The following MYO1E variants were observed in gnomAD, a reference collection of about 807,000 sequenced individuals.
The protein encoded by MYO1E is unconventional myosin-Ie.
MYO1E carries 68 observed loss-of-function variants against 151.1 expected under a neutral mutation model. The observed-to-expected ratio is 0.45, with a 90% CI of 0.37 to 0.55. MYO1E has a LOEUF of 0.55. Among genes scored for constraint, MYO1E ranks in the 20% least tolerant of loss-of-function variants. The pLI is 0.00. For missense variants in MYO1E, 1,363 were observed against 1,389.3 expected, an observed-to-expected ratio of 0.98 and a Z score of 0.30; for synonymous variants, 601 against 501.7, an observed-to-expected ratio of 1.20 and a Z score of -2.64.
chr15:59,236,294 G>T (rs1229880785), intron 5 of MYO1E, among the ~76,000 whole-genome samples: 1 of 149,954 alleles, frequency 6.7e-6, no homozygotes, highest in East Asian at 2.0e-4. Context: ...GGTGAGCCGA[G>T]ATCGCGCCAC....
At chr15:59,248,712 C>T (rs151324337) in intron 4 of MYO1E, among the ~76,000 whole-genome samples, 94 of 152,152 alleles carry the variant, frequency 6.2e-4, no homozygotes, top group Non-Finnish European at 1.0e-3. Flanking sequence ...AAGTAAACAG[C>T]AGAGATGGGG....
rs566270197 is a variant in MYO1E at position 59,339,518 on chromosome 15, G to A, written c.3+32980C>T. ...GCCTCCTATTGACTGCCTTCATCCA[G>A]AACACAGCCCCTCCCAAGAGACACA... On this transcript the variant is annotated intron_variant, in intron 1 of 27. Coordinates refer to ENST00000288235, the MANE Select transcript of MYO1E (RefSeq NM_004998.4). Among the ~76,000 whole-genome samples, 12 of 152,240 alleles carry A rather than the reference G, an allele frequency of 7.9e-5. No homozygotes were observed. The South Asian group carries it at 1.7e-3, about 21-fold the overall frequency.
In MYO1E at chr15:59,224,714, T is replaced by C. The variant is rs1373231373; in HGVS notation, c.752A>G (p.Asp251Gly). The change falls in exon 8 of 28, where the codon GAC (aspartate) becomes GGC (glycine). Residue 251 changes from aspartate to glycine, a missense_variant. Transcript: ENST00000288235. ...CAGAGTTTCCTGAAACTCCCGCCTG[T>C]CGTCAATGTCATCAACCTTGTATGA... ...SGSYKVDDID[D>G]RREFQETLHA... 3 of 1,614,238 alleles carry C rather than the reference T, an allele frequency of 1.9e-6. No homozygotes were observed. Among genetic ancestry groups the C allele is most frequent in the Admixed American group, 3.3e-5 (2 of 60,030 alleles).
At position 59,136,613 on chromosome 15, in the gene MYO1E, A is replaced by G. The variant is rs926607940; in HGVS notation, c.*767T>C. The stretch of plus-strand genomic sequence containing the variant: ...GTTTCTACCATCTCAAGATTTTTAT[A>G]TATACAGTATATGATCTGTTTTTAT... On this transcript the variant is annotated 3_prime_UTR_variant, in exon 28 of 28. Transcript: ENST00000288235. 35 of 431,786 alleles carry G rather than the reference A, an allele frequency of 8.1e-5. No homozygotes were observed. Among genetic ancestry groups the G allele is most frequent in the African/African-American group, 6.9e-4 (34 of 49,116 alleles). 26.7% of individuals were successfully genotyped at this position (431,786 alleles called of 1,614,324 possible).
chr15:59,223,183 C>G lies in MYO1E; in HGVS notation c.786G>C (p.Met262Ile). Reference sequence around the variant, plus strand: ...CTTCTGCAAAGATCCCAATCACATTCATGGCGTGCTGGAAGAGAAAAGAGA... The same window carrying G: ...CTTCTGCAAAGATCCCAATCACATTGATGGCGTGCTGGAAGAGAAAAGAGA... Reference protein sequence around the residue: ...RREFQETLHAMNVIGIFAEEQ... With the variant: ...RREFQETLHAINVIGIFAEEQ... The change falls in exon 9 of 28, where the codon ATG becomes ATC. Residue 262 changes from methionine (M) to isoleucine (I), a missense_variant. Coordinates refer to ENST00000288235, the MANE Select transcript of MYO1E (RefSeq NM_004998.4). The G allele has an allele frequency of 6.2e-7, 1 of 1,614,186 alleles. No individual in the cohort carries two copies. The highest frequency in any genetic ancestry group is 1.3e-5 in the African/African-American group (1 of 75,026).
At position 59,205,949 on chromosome 15, in the gene MYO1E, G is replaced by A. The variant is rs908529893; in HGVS notation, c.1531-464C>T. Reference sequence around the variant, plus strand: ...AGGCTTTGCAGTTTCTCCCAGAAGTGGTATCAAAGTTGCACCAATCTGGCC... The same window carrying A: ...AGGCTTTGCAGTTTCTCCCAGAAGTAGTATCAAAGTTGCACCAATCTGGCC... On this transcript the variant is annotated intron_variant, in intron 14 of 27. Coordinates refer to ENST00000288235, the MANE Select transcript of MYO1E (RefSeq NM_004998.4). Among the ~76,000 whole-genome samples the A allele has an allele frequency of 2.6e-5, 4 of 152,106 alleles. No homozygotes were observed. In the East Asian group the frequency reaches 7.7e-4, roughly 29 times the overall value.
chr15:59,178,334 G>C (rs1294677666), intron 19 of MYO1E, 59 bp downstream of exon 19: 2 of 1,599,196 alleles, frequency 1.3e-6, no homozygotes, highest in Non-Finnish European at 1.7e-6. Flanking sequence ...GAGGGGTGGA[G>C]CAGGGCTGGC....
At chr15:59,258,767 G>A (rs1295481797) in intron 3 of MYO1E, among the ~76,000 whole-genome samples, 1 of 152,030 alleles carries the variant, frequency 6.6e-6, no homozygotes. Context: ...TGCGGTCGGG[G>A]GATCGCTTGA....
In MYO1E at chr15:59,350,917, G is replaced by A. The variant is rs2080819685; in HGVS notation, c.3+21581C>T. On this transcript the variant is annotated intron_variant, in intron 1 of 27. Coordinates refer to ENST00000288235, the MANE Select transcript of MYO1E (RefSeq NM_004998.4). The surrounding 1 kb of genome is among the most constrained non-coding windows in gnomAD (Gnocchi z 5.0). ...GTTTTTTGTTTTTTGTCTTTTTTGAGACGGAGTCTCGCTCTGTCACCCAGG... is the reference window on the plus strand; with the variant it reads ...GTTTTTTGTTTTTTGTCTTTTTTGAAACGGAGTCTCGCTCTGTCACCCAGG... 1.3e-5 allele frequency among the ~76,000 whole-genome samples: 2 copies of A among 152,210 alleles called. No homozygotes were observed. Among genetic ancestry groups the A allele is most frequent in the African/African-American group, 4.8e-5 (2 of 41,448 alleles).
At position 59,207,868 on chromosome 15, in the gene MYO1E, G is replaced by C. The variant is rs200340314; in HGVS notation, c.1530+813C>G. 1,763 of 1,614,080 alleles carry C rather than the reference G, an allele frequency of 1.1e-3. 4 individuals are homozygous for C. Among genetic ancestry groups the C allele is most frequent in the Non-Finnish European group, 1.4e-3 (1,640 of 1,180,036 alleles). ...TGGCCTATCTGTGGCCGATTTAACAGAAAGTATTTTGAAGAATCTTAGGAG... is the reference window on the plus strand; with the variant it reads ...TGGCCTATCTGTGGCCGATTTAACACAAAGTATTTTGAAGAATCTTAGGAG... On this transcript the variant is annotated intron_variant, in intron 14 of 27. Transcript: ENST00000288235.
chr15:59,349,443 T>C (rs775787601), intron 1 of MYO1E, among the ~76,000 whole-genome samples: 1 of 152,044 alleles, frequency 6.6e-6, no homozygotes, highest in African/African-American at 2.4e-5. Context: ...ATCTACCATA[T>C]AAAAAAGGGT....
At chr15:59,306,843 C>T (rs2080517619) in intron 1 of MYO1E, among the ~76,000 whole-genome samples, 1 of 152,218 alleles carries the variant, frequency 6.6e-6, no homozygotes. Flanking sequence ...TCATGAGTTG[C>T]TCATGATGTC....
intron 1 of MYO1E, among the ~76,000 whole-genome samples, chr15:59,277,154 A>G (rs1024883569): frequency 1.2e-4 from 18 of 152,362 alleles, no homozygotes; most frequent in Middle Eastern, 6.8e-3. Flanking sequence ...AAACTTCTAC[A>G]AAGAGTAAAC....
chr15:59,196,986 C>CATTTT (rs771288212), intron 16 of MYO1E, among the ~76,000 whole-genome samples: 1 of 71,512 alleles, frequency 1.4e-5, no homozygotes, highest in Non-Finnish European at 2.5e-5. Flanking sequence ...TTAATTACGA[C>CATTTT]TTTTTTTTTT....
At chr15:59,182,066 C>CG (rs1455389573) in intron 18 of MYO1E, among the ~76,000 whole-genome samples, 2 of 152,182 alleles carry the variant, frequency 1.3e-5, no homozygotes, top group East Asian at 3.8e-4. Flanking sequence ...GAAATACCCC[C>CG]GCCCACTGAT....
chr15:59,151,778 G>C (rs566815046), intron 26 of MYO1E, among the ~76,000 whole-genome samples: 2 of 151,830 alleles, frequency 1.3e-5, no homozygotes, highest in Non-Finnish European at 2.9e-5. Context: ...GCTGGGTGCG[G>C]TGGCTCACAT....
At chr15:59,150,756 T>A (rs1185269088) in intron 26 of MYO1E, among the ~76,000 whole-genome samples, 1 of 152,128 alleles carries the variant, frequency 6.6e-6, no homozygotes, top group Non-Finnish European at 1.5e-5. Context: ...CCAGTGGTTT[T>A]CAAAATGTGG....
Position 59,217,894 on chromosome 15 carries a change from T to A in MYO1E, c.1104A>T (p.Val368=), listed in dbSNP as rs1173105418. 2 of 1,614,094 alleles carry A rather than the reference T, an allele frequency of 1.2e-6. No homozygotes were observed. The highest frequency in any genetic ancestry group is 4.5e-5 in the East Asian group (2 of 44,880). ...AGCATCAACTTCTGTTACTTACATCTACCAAGAAATCAAAGACCCGGGCGT... is the reference window on the plus strand; with the variant it reads ...AGCATCAACTTCTGTTACTTACATCAACCAAGAAATCAAAGACCCGGGCGT... ...ALHARVFDFL[V]DSINKAMEKD... Residue 368 remains valine, a synonymous_variant, in exon 10 of 28, where the codon GTA becomes GTT. Coordinates refer to ENST00000288235, the MANE Select transcript of MYO1E (RefSeq NM_004998.4).
At chr15:59,191,324 G>A (rs1382084156) in intron 17 of MYO1E, among the ~76,000 whole-genome samples, 1 of 133,224 alleles carries the variant, frequency 7.5e-6, no homozygotes, top group African/African-American at 3.0e-5. Context: ...AAGTCAGACA[G>A]ACAGAGACAG....
Sources: gnomAD v4.1 joint callset for allele counts (sites outside exome capture counted in the v4.1 genomes callset) on GRCh38, gnomAD v4.1.1 for gene constraint, Gnocchi (gnomAD v3.1) non-coding constraint, MANE v1.5 for transcripts, NCBI Gene and HGNC (gene_info 2026-07-23, HGNC 2026-07-21) for gene names.